DLG5: variants seen among roughly 807,000 people sequenced by gnomAD.
The protein encoded by DLG5 is discs large MAGUK scaffold protein 5, also known as disks large homolog 5.
Under a neutral mutation model 189.8 loss-of-function variants are expected in DLG5, and 48 were observed. The observed-to-expected ratio is 0.25, with a 90% CI of 0.20 to 0.32. The LOEUF is 0.32. DLG5 is among the 10% of genes least tolerant of loss of function. The pLI, the probability that DLG5 is intolerant of heterozygous loss-of-function variation, is 1.00. For missense variants in DLG5, 2,160 were observed against 2,544.7 expected (o/e 0.85, Z 3.25); for synonymous variants, 1,016 against 1,054.1 (o/e 0.96, Z 0.70).
At position 77,812,187 on chromosome 10, in the gene DLG5, G is replaced by A. The variant is rs374982958; in HGVS notation, c.4188+28C>T. The A allele has an allele frequency of 1.3e-4, 208 of 1,604,082 alleles. 1 individual carries two copies. The highest frequency in any genetic ancestry group is 1.7e-4 in the Non-Finnish European group (195 of 1,173,092). On this transcript the variant is annotated intron_variant, in intron 21 of 31. Coordinates refer to ENST00000372391, the MANE Select transcript of DLG5 (RefSeq NM_004747.4). ...GGAAGAAGTGCAGGTTTCCATGGGC[G>A]CCATGCAGGAGGGCAGCTCCCTCTC...
chr10:77,796,163 G>A lies in DLG5; in HGVS notation c.5334C>T (p.Ala1778=), dbSNP rs1404009085. 6.2e-7 allele frequency: 1 copy of A among 1,614,152 alleles called. No homozygotes were observed. Among genetic ancestry groups the A allele is most frequent in the Admixed American group, 1.7e-5 (1 of 60,026 alleles). ...PLEVMKASQQ[A]IERGVKDCLF... ...GGCAATCTTTGACACCCCGCTCAAT[G>A]GCCTGCTGGGAGGCCTTCATCACCT... Residue 1778 remains alanine, a synonymous_variant, in exon 29 of 32, where the codon GCC becomes GCT. Coordinates refer to ENST00000372391, the MANE Select transcript of DLG5 (RefSeq NM_004747.4). The surrounding 1 kb of genome is among the most constrained non-coding windows in gnomAD (Gnocchi z 5.2).
At chr10:77,833,272 C>T (rs889338133) in intron 9 of DLG5, among the ~76,000 whole-genome samples, 1 of 152,122 alleles carries the variant, frequency 6.6e-6, no homozygotes, top group Non-Finnish European at 1.5e-5. Flanking sequence ...TGTCTGACAC[C>T]CCAAATGGTC....
At chr10:77,807,775 C>T (rs377334576) in intron 25 of DLG5, 21 bp downstream of exon 25, 88 of 1,607,692 alleles carry the variant, frequency 5.5e-5, no homozygotes, top group African/African-American at 3.3e-4. Flanking sequence ...AATCTCCCAC[C>T]GATTCCCCAG....
intron 9 of DLG5, among the ~76,000 whole-genome samples, chr10:77,833,274 C>T (rs1006444704): frequency 1.6e-4 from 25 of 152,122 alleles, no homozygotes; most frequent in African/African-American, 5.3e-4. Flanking sequence ...TCTGACACCC[C>T]AAATGGTCTT....
intron 5 of DLG5, among the ~76,000 whole-genome samples, chr10:77,849,558 T>C (rs1248682): frequency 0.26 from 39,076 of 152,170 alleles, 5,605 homozygotes; most frequent in Admixed American, 0.39. Context: ...CTGGAGGTGG[T>C]GTTTGCTGAG....
intron 1 of DLG5, among the ~76,000 whole-genome samples, chr10:77,919,126 G>A (rs1164560919): frequency 6.6e-6 from 1 of 152,046 alleles, no homozygotes; most frequent in Non-Finnish European, 1.5e-5. Context: ...TGAGACAAGA[G>A]AATCACTTGA....
chr10:77,815,063 G>A (rs1841984099), intron 20 of DLG5, among the ~76,000 whole-genome samples: 1 of 152,004 alleles, frequency 6.6e-6, no homozygotes. Context: ...GCAGGTCCTG[G>A]CTCTCCGTGC....
intron 9 of DLG5, among the ~76,000 whole-genome samples, chr10:77,832,201 A>C (rs1228792084): frequency 6.6e-6 from 1 of 152,232 alleles, no homozygotes; most frequent in East Asian, 1.9e-4. Context: ...CAAAAAAAAA[A>C]ATTTGATAGA....
At chr10:77,876,378 T>C (rs1225380614) in intron 1 of DLG5, among the ~76,000 whole-genome samples, 3 of 140,782 alleles carry the variant, frequency 2.1e-5, no homozygotes, top group Non-Finnish European at 4.5e-5. Context: ...TCTCTCTTTT[T>C]TTTTTTTTTT....
At chr10:77,926,868 G>A (rs1204036724), upstream of DLG5, 2 of 310,418 alleles carry the variant, frequency 6.4e-6, no homozygotes, top group African/African-American at 2.3e-5. This position sits in a 1 kb window ranked among gnomAD's most constrained non-coding sequence, Gnocchi z 5.2. Context: ...CTCCCCCTCA[G>A]CCTCCGCGCG....
At chr10:77,877,080 G>A (rs1293097320) in intron 1 of DLG5, among the ~76,000 whole-genome samples, 2 of 151,826 alleles carry the variant, frequency 1.3e-5, no homozygotes, top group African/African-American at 2.4e-5. Context: ...GGACTTTTGA[G>A]GCCATTTATA....
At chr10:77,933,503 A>G in the DLG5 span, among the ~76,000 whole-genome samples, 2 of 152,040 alleles carry the variant, frequency 1.3e-5, no homozygotes, top group Non-Finnish European at 2.9e-5. Flanking sequence ...CATGTTGGCC[A>G]GGCTAGTCTC....
At position 77,806,026 on chromosome 10, in the gene DLG5, C is replaced by G. The variant is rs753147607; in HGVS notation, c.4968-165G>C. On this transcript the variant is annotated intron_variant, in intron 26 of 31. Transcript: ENST00000372391. ...CTCCTCCCACGCCCCTGGGAACCCT[C>G]GGTACATGCTGCGGGGGTGACACAA... The G allele has an allele frequency of 4.4e-5, 28 of 643,380 alleles. No homozygotes were observed. The South Asian group carries it at 6.1e-4, about 14-fold the overall frequency. The allele number at this position is 643,380 out of a possible 1,614,324, so 39.9% of individuals were successfully genotyped here.
chr10:77,827,999 C>T (rs763498620), intron 13 of DLG5, among the ~76,000 whole-genome samples: 2 of 151,922 alleles, frequency 1.3e-5, no homozygotes, highest in Non-Finnish European at 2.9e-5. Context: ...TTTCACTTTA[C>T]ATATTTTTAT....
chr10:77,861,748 A>G (rs545035479), intron 2 of DLG5, among the ~76,000 whole-genome samples: 1 of 152,340 alleles, frequency 6.6e-6, no homozygotes, highest in East Asian at 1.9e-4. Flanking sequence ...TGGGATTCCC[A>G]TGCACACTCA....
At chr10:77,933,617 G>A in the DLG5 span, among the ~76,000 whole-genome samples, 20 of 152,066 alleles carry the variant, frequency 1.3e-4, no homozygotes, top group South Asian at 1.9e-3. Context: ...CCAGCTACTC[G>A]GGAGGCTGAG....
intron 8 of DLG5, among the ~76,000 whole-genome samples, chr10:77,834,347 C>G (rs1452976929): frequency 1.3e-5 from 2 of 152,132 alleles, no homozygotes; most frequent in East Asian, 3.9e-4. Flanking sequence ...CCTCTGCACA[C>G]ACTCACTGTT....
the DLG5 span, among the ~76,000 whole-genome samples, chr10:77,939,854 C>T: frequency 1.4e-4 from 21 of 152,154 alleles, no homozygotes; most frequent in Non-Finnish European, 2.5e-4. Flanking sequence ...AGCAGGCCAC[C>T]GCAGAGATAG....
At chr10:77,858,853 T>G (rs996553155) in intron 2 of DLG5, among the ~76,000 whole-genome samples, 1 of 152,152 alleles carries the variant, frequency 6.6e-6, no homozygotes, top group Non-Finnish European at 1.5e-5. Context: ...AGCTGTACAA[T>G]GTGTTTGTGT....
Sources: allele counts gnomAD v4.1 joint callset (sites outside exome capture counted in the v4.1 genomes callset), GRCh38; gene constraint gnomAD v4.1.1; non-coding constraint Gnocchi (gnomAD v3.1); transcripts MANE v1.5; gene names NCBI Gene and HGNC (gene_info 2026-07-23, HGNC 2026-07-21).